Variants in MAP3K4 observed in about 807,000 individuals in gnomAD.
MAP3K4 encodes the protein mitogen-activated protein kinase kinase kinase 4, also known as MAP three kinase 1.
MAP3K4 carries 67 observed loss-of-function variants against 185.6 expected under a neutral mutation model. That is an observed-to-expected ratio of 0.36 (90% CI 0.30 to 0.44). The LOEUF (loss-of-function observed/expected upper bound fraction) is 0.44, where lower values mean the gene tolerates loss of function less well. MAP3K4 is among the 20% of genes least tolerant of loss of function. The pLI is 1.00. For synonymous variants in MAP3K4, 702 were observed against 710.4 expected (o/e 0.99, Z 0.19); for missense variants, 1,551 against 1,995.1 (o/e 0.78, Z 4.24).
rs1785802902 is a variant in MAP3K4, at chr6:161,087,723, T to A, written c.2592T>A (p.Phe864Leu). Residue 864 changes from phenylalanine (F) to leucine (L), a missense_variant, in exon 10 of 27, where the codon TTT (phenylalanine) becomes TTA (leucine). This residue lies in a region of MAP3K4 where 261 missense variants were observed against 306.5 expected (regional missense o/e 0.85). Coordinates refer to ENST00000392142, the MANE Select transcript of MAP3K4 (RefSeq NM_005922.4). This position sits in a 1 kb window ranked among gnomAD's most constrained non-coding sequence, Gnocchi z 4.9. ...CTGGGTTAGAAAACTTGCAAATGTTTGTTCCAGACACTCTTGCTGAGGAGA... is the reference window on the plus strand; with the variant it reads ...CTGGGTTAGAAAACTTGCAAATGTTAGTTCCAGACACTCTTGCTGAGGAGA... The part of the protein sequence containing the change: ...QIPGLENLQM[F>L]VPDTLAEEKS... 6.2e-7 allele frequency: 1 copy of A among 1,614,220 alleles called. No individual in the cohort carries two copies. Among genetic ancestry groups the A allele is most frequent in the Non-Finnish European group, 8.5e-7 (1 of 1,180,038 alleles).
intron 6 of MAP3K4, among the ~76,000 whole-genome samples, chr6:161,083,176 A>G (rs1432529951): frequency 6.6e-6 from 1 of 151,806 alleles, no homozygotes; most frequent in African/African-American, 2.4e-5. Flanking sequence ...CACTTCCTTC[A>G]GGTCTTTATC....
Position 161,061,230 on chromosome 6 carries a change from G to C in MAP3K4, c.1708-9378G>C, listed in dbSNP as rs1047630884. 1.2e-4 allele frequency among the ~76,000 whole-genome samples: 18 copies of C among 152,150 alleles called. No individual in the cohort carries two copies. The highest frequency in any genetic ancestry group is 4.3e-4 in the African/African-American group (18 of 41,410). ...TGATACCAGGTGTGACAGAATATCAGATACTGACTATATTCCAAAATAGAC... is the reference window on the plus strand; with the variant it reads ...TGATACCAGGTGTGACAGAATATCACATACTGACTATATTCCAAAATAGAC... On this transcript the variant is annotated intron_variant, in intron 3 of 26. Transcript: ENST00000392142. The surrounding 1 kb of genome is among the most constrained non-coding windows in gnomAD (Gnocchi z 4.2).
At chr6:161,105,742 A>T (rs1442782531) in intron 19 of MAP3K4, among the ~76,000 whole-genome samples, 2 of 152,182 alleles carry the variant, frequency 1.3e-5, no homozygotes, top group Non-Finnish European at 2.9e-5. Context: ...CTAGTGTGAA[A>T]ACATAGAAAA....
rs41267837 is a variant in MAP3K4, at chr6:161,111,914, C to T, written c.4475C>T (p.Ala1492Val). 1.2e-3 allele frequency: 1,993 copies of T among 1,614,120 alleles called. 4 individuals carry two copies. Among genetic ancestry groups the T allele is most frequent in the Admixed American group, 1.7e-3 (101 of 60,028 alleles). Reference sequence around the variant, plus strand: ...TGTTCAGTAAAGCTCAAAAACAATGCCCAGACCATGCCTGGTGAAGTGAAC... The same window carrying T: ...TGTTCAGTAAAGCTCAAAAACAATGTCCAGACCATGCCTGGTGAAGTGAAC... ...FGCSVKLKNN[A>V]QTMPGEVNST... The change falls in exon 24 of 27, where the codon GCC becomes GTC. Residue 1492 changes from alanine (A) to valine (V), a missense_variant. Physicochemically the swap from Ala to Val is moderately conservative, Grantham distance 64 (BLOSUM62 0). Transcript: ENST00000392142.
At chr6:161,059,902 T>C (rs985601461) in intron 3 of MAP3K4, among the ~76,000 whole-genome samples, 1 of 151,808 alleles carries the variant, frequency 6.6e-6, no homozygotes, top group African/African-American at 2.4e-5. Context: ...GGGTCATTTA[T>C]CCTGTAGGGT....
Position 161,043,508 on chromosome 6 carries a change from A to C in MAP3K4, c.344-5108A>C, listed in dbSNP as rs1003681372. Among the ~76,000 whole-genome samples, 6 of 152,196 alleles carry C rather than the reference A, an allele frequency of 3.9e-5. No individual in the cohort carries two copies. The highest frequency in any genetic ancestry group is 1.9e-4 in the East Asian group (1 of 5,190). ...GTCCAAGGATGGTGTGGTGGCACCA[A>C]CTTGGGCTAGGACCCCTGTTCTGAC... is the stretch of plus-strand genomic sequence containing the variant. On this transcript the variant is annotated intron_variant, in intron 2 of 26. Transcript: ENST00000392142. This position sits in a 1 kb window ranked among gnomAD's most constrained non-coding sequence, Gnocchi z 4.3.
rs753274991 is a variant in MAP3K4 at position 161,049,724 on chromosome 6, C to A, written c.1452C>A (p.Ile484=). The change falls in exon 3 of 27, where the codon ATC becomes ATA. Residue 484 remains isoleucine (I), a synonymous_variant. Transcript: ENST00000392142. This position sits in a 1 kb window ranked among gnomAD's most constrained non-coding sequence, Gnocchi z 8.4. ...IRQPIDNSFD[I]QSRDCISKKL... The stretch of plus-strand genomic sequence containing the variant: ...AGCCCATAGATAACAGCTTCGACAT[C>A]CAGTCGCGGGACTGCATATCCAAGA... 6.2e-7 allele frequency: 1 copy of A among 1,614,152 alleles called. No individual in the cohort carries two copies. Among genetic ancestry groups the A allele is most frequent in the South Asian group, 1.1e-5 (1 of 91,080 alleles).
Position 161,086,524 on chromosome 6 carries a change from C to T in MAP3K4, c.2472+46C>T. On this transcript the variant is annotated intron_variant, in intron 8 of 26. Transcript: ENST00000392142. The surrounding 1 kb of genome is among the most constrained non-coding windows in gnomAD (Gnocchi z 4.8). Reference sequence around the variant, plus strand: ...AATTAGTACCTTTTTTCTTGTTTTTCTTTTATCTTATTTTTTTAATGCTAA... The same window carrying T: ...AATTAGTACCTTTTTTCTTGTTTTTTTTTTATCTTATTTTTTTAATGCTAA... The T allele has an allele frequency of 6.2e-7, 1 of 1,600,714 alleles. No individual in the cohort carries two copies. The highest frequency in any genetic ancestry group is 8.5e-7 in the Non-Finnish European group (1 of 1,172,098).
intron 2 of MAP3K4, among the ~76,000 whole-genome samples, chr6:161,045,470 GT>G (rs1046613204): frequency 3.3e-5 from 5 of 152,162 alleles, no homozygotes; most frequent in African/African-American, 1.2e-4. Flanking sequence ...AAATGGGATT[GT>G]GGCATTTTTT....
In MAP3K4 at chr6:161,073,621, C is replaced by G; in HGVS notation, c.2097+9C>G. On this transcript the variant is annotated intron_variant, in intron 5 of 26. Coordinates refer to ENST00000392142, the MANE Select transcript of MAP3K4 (RefSeq NM_005922.4). The surrounding 1 kb of genome is among the most constrained non-coding windows in gnomAD (Gnocchi z 4.2). ...TACATAAAATGCTTATGGTCAGAAG[C>G]AGTGGGGAGGAATTTTTCTTTCTTT... The G allele has an allele frequency of 6.3e-7, 1 of 1,595,690 alleles. No homozygotes were observed. Among genetic ancestry groups the G allele is most frequent in the Non-Finnish European group, 8.5e-7 (1 of 1,173,828 alleles).
At position 161,048,448 on chromosome 6, in the gene MAP3K4, A is replaced by G. The variant is rs756570434; in HGVS notation, c.344-168A>G. Reference sequence around the variant, plus strand: ...TTTTTTTTAAAATATAGAAAATGTCATATATATTTTTTGATTCCTTTAATT... The same window carrying G: ...TTTTTTTTAAAATATAGAAAATGTCGTATATATTTTTTGATTCCTTTAATT... On this transcript the variant is annotated intron_variant, in intron 2 of 26. Coordinates refer to ENST00000392142, the MANE Select transcript of MAP3K4 (RefSeq NM_005922.4). This position sits in a 1 kb window ranked among gnomAD's most constrained non-coding sequence, Gnocchi z 4.7. Among the ~76,000 whole-genome samples, 3 of 152,136 alleles carry G rather than the reference A, an allele frequency of 2.0e-5. No individual in the cohort carries two copies. Among genetic ancestry groups the G allele is most frequent in the Non-Finnish European group, 4.4e-5 (3 of 68,022 alleles).
intron 17 of MAP3K4, among the ~76,000 whole-genome samples, chr6:161,099,374 G>A (rs750555144): frequency 6.6e-6 from 1 of 152,146 alleles, no homozygotes; most frequent in East Asian, 1.9e-4. Flanking sequence ...AATATTTGCA[G>A]TCATTTCACT....
Position 161,098,452 on chromosome 6 carries a change from G to T in MAP3K4, c.3674+25G>T, listed in dbSNP as rs376054327. ...GGTAGTCTCACCCCACCAGTGTCCC[G>T]TACCCTCACCACCCCTTACATGCGC... is the stretch of plus-strand genomic sequence containing the variant. On this transcript the variant is annotated intron_variant, in intron 17 of 26. Transcript: ENST00000392142. This position sits in a 1 kb window ranked among gnomAD's most constrained non-coding sequence, Gnocchi z 4.4. 6.2e-7 allele frequency: 1 copy of T among 1,600,176 alleles called. No homozygotes were observed. Among genetic ancestry groups the T allele is most frequent in the South Asian group, 1.1e-5 (1 of 89,868 alleles).
chr6:161,087,013 A>G lies in MAP3K4; in HGVS notation c.2556+346A>G, dbSNP rs1583214717. Among the ~76,000 whole-genome samples the G allele has an allele frequency of 6.6e-6, 1 of 152,178 alleles. No individual in the cohort carries two copies. Among genetic ancestry groups the G allele is most frequent in the Admixed American group, 6.5e-5 (1 of 15,278 alleles). ...CCCTTATATTTCCTGATGCAGTTCA[A>G]AGGTTTTACAGTGAATCTTTGACAT... On this transcript the variant is annotated intron_variant, in intron 9 of 26. Transcript: ENST00000392142. The surrounding 1 kb of genome is among the most constrained non-coding windows in gnomAD (Gnocchi z 4.9).
intron 1 of MAP3K4, among the ~76,000 whole-genome samples, chr6:161,014,592 G>A (rs931288487): frequency 1.3e-5 from 2 of 152,106 alleles, no homozygotes; most frequent in African/African-American, 4.8e-5. Flanking sequence ...CTGAAATCCT[G>A]TACTAACCTT....
At chr6:161,085,033 G>A (rs1263164761) in intron 7 of MAP3K4, among the ~76,000 whole-genome samples, 1 of 152,046 alleles carries the variant, frequency 6.6e-6, no homozygotes, top group Non-Finnish European at 1.5e-5. Flanking sequence ...CGTGATCCCA[G>A]CTATTCAGGA....
intron 1 of MAP3K4, among the ~76,000 whole-genome samples, chr6:161,029,190 A>G (rs557374239): frequency 2.1e-4 from 31 of 150,424 alleles, no homozygotes; most frequent in African/African-American, 7.1e-4. Flanking sequence ...AGTGGTTAAA[A>G]TATCCATTTA....
intron 3 of MAP3K4, 120 bp downstream of exon 3, chr6:161,050,099 T>G (rs1332121027): frequency 7.1e-6 from 7 of 979,708 alleles, no homozygotes; most frequent in Non-Finnish European, 1.1e-5. Flanking sequence ...ATGGCAGTTA[T>G]AAATTGCACA....
At chr6:161,029,841 TTTTG>T (rs112353353) in intron 1 of MAP3K4, among the ~76,000 whole-genome samples, 36 of 152,228 alleles carry the variant, frequency 2.4e-4, no homozygotes, top group South Asian at 4.1e-4. Context: ...TGTATAAGTG[TTTTG>T]TTTGTTTGTT....
Sources: allele counts gnomAD v4.1 joint callset (sites outside exome capture counted in the v4.1 genomes callset), GRCh38; gene constraint gnomAD v4.1.1; regional missense constraint gnomAD v4.1.1; non-coding constraint Gnocchi (gnomAD v3.1); transcripts MANE v1.5; gene names NCBI Gene and HGNC (gene_info 2026-07-23, HGNC 2026-07-21).